The following SPANXN4 variants were observed in gnomAD, a reference collection of about 807,000 sequenced individuals.
The protein encoded by SPANXN4 is SPANX family member N4.
Under a neutral mutation model 6.0 loss-of-function variants are expected in SPANXN4, and 5 were observed. The observed-to-expected ratio is 0.83, with a 90% CI of 0.44 to 1.75. The LOEUF is 1.75. SPANXN4 is among the 40% of genes most tolerant of loss of function. The probability of loss-of-function intolerance (pLI) is 0.02; values close to 1 mark genes in which losing one functional copy is unlikely to be tolerated. For missense variants in SPANXN4, 157 were observed against 108.6 expected, an observed-to-expected ratio of 1.45 and a Z score of -1.98; for synonymous variants, 45 against 38.0, an observed-to-expected ratio of 1.19 and a Z score of -0.68.
intron 1 of SPANXN4, among the ~76,000 whole-genome samples, chrX:143,033,223 C>A (rs1031404611): frequency 9.0e-6 from 1 of 110,614 alleles, no homozygotes; most frequent in African/African-American, 3.3e-5. Context: ...TAGAGGTCAG[C>A]CCAGGACTGG....
At chrX:143,036,712 G>A (rs1451875576), downstream of SPANXN4, among the ~76,000 whole-genome samples, 1 of 111,823 alleles carries the variant, frequency 8.9e-6, no homozygotes, top group African/African-American at 3.2e-5. Context: ...AATCATTCAA[G>A]TTTGCTTTTC....
chrX:143,034,447 T>C, intron 2 of SPANXN4, 136 bp downstream of exon 2: 7 of 1,105,338 alleles, frequency 6.3e-6, no homozygotes, highest in South Asian at 4.7e-5. Flanking sequence ...ACATTGTAAA[T>C]AAAGACTGGG....
At chrX:143,026,295 G>A (rs1012511997) in intron 1 of SPANXN4, among the ~76,000 whole-genome samples, 2 of 111,567 alleles carry the variant, frequency 1.8e-5, no homozygotes, top group African/African-American at 6.5e-5. Context: ...TGGCTGCTCG[G>A]CGGAATATTG....
chrX:143,034,232 G>A (rs1233652273), exon 2 of SPANXN4: 1 of 1,169,318 alleles, frequency 8.6e-7, no homozygotes, highest in East Asian at 3.2e-5. Context: ...TCCACAGGAT[G>A]GTGGGCAGAA....
chrX:143,032,891 G>C (rs922698375), intron 1 of SPANXN4, among the ~76,000 whole-genome samples: 4 of 111,354 alleles, frequency 3.6e-5, no homozygotes, highest in African/African-American at 1.3e-4. Flanking sequence ...AATGGACGTA[G>C]GAGAGCTGGG....
intron 1 of SPANXN4, among the ~76,000 whole-genome samples, chrX:143,028,645 C>T (rs762052084): frequency 1.1e-4 from 12 of 110,222 alleles, no homozygotes; most frequent in Non-Finnish European, 1.9e-4. Flanking sequence ...TGTGCCTTTT[C>T]GGTGGTGGTA....
chrX:143,032,146 G>A (rs1430011955), intron 1 of SPANXN4, among the ~76,000 whole-genome samples: 1 of 111,845 alleles, frequency 8.9e-6, no homozygotes, highest in Non-Finnish European at 1.9e-5. Flanking sequence ...TGTCTTGCCA[G>A]GTAAGGTCGT....
At chrX:143,037,358 T>G (rs1932848855), downstream of SPANXN4, among the ~76,000 whole-genome samples, 1 of 111,803 alleles carries the variant, frequency 8.9e-6, no homozygotes. Flanking sequence ...CATACTTATC[T>G]TCTCCCTTTT....
At chrX:143,031,817 G>A (rs1320676353) in intron 1 of SPANXN4, among the ~76,000 whole-genome samples, 1 of 111,665 alleles carries the variant, frequency 9.0e-6, no homozygotes, top group East Asian at 2.8e-4. Context: ...GGATGTCGGG[G>A]GCTGACTGGG....
intron 2 of SPANXN4, 149 bp downstream of exon 2, chrX:143,034,460 A>T: frequency 9.0e-7 from 1 of 1,114,764 alleles, no homozygotes; most frequent in Non-Finnish European, 1.2e-6. Flanking sequence ...AGACTGGGGG[A>T]GGACTGATTC....
Position 143,034,515 on chromosome X carries a change from A to C in SPANXN4, c.290A>C (p.Glu97Ala), listed in dbSNP as rs774235858. The change falls in exon 3 of 3, where the codon GAA (glutamate) becomes GCA (alanine). Residue 97 changes from glutamate (E) to alanine (A), a missense_variant. Transcript: ENST00000370504. ...TTAAAATTTTATCTCACAGGAGAGG[A>C]AGAAAAGGATTTGGTGTTCCTTGGA... The C allele has an allele frequency of 3.5e-6, 4 of 1,142,958 alleles. No individual in the cohort carries two copies. In the African/African-American group the frequency reaches 7.3e-5, roughly 21 times the overall value. 94.2% of individuals were successfully genotyped at this position (1,142,958 alleles called of 1,213,427 possible). A position where few individuals can be genotyped will look rare whatever the true frequency, so the allele number is the denominator to read the frequency against.
At chrX:143,030,057 TG>T (rs142435885) in intron 1 of SPANXN4, among the ~76,000 whole-genome samples, 29,947 of 103,037 alleles carry the variant, frequency 0.29, 4,448 homozygotes, top group African/African-American at 0.51. Flanking sequence ...TTTTTTAGTT[TG>T]TTTTTTTTTT....
exon 2 of SPANXN4, chrX:143,034,162 T>C (rs1932829640): frequency 8.5e-7 from 1 of 1,179,728 alleles, no homozygotes; most frequent in African/African-American, 1.8e-5. Context: ...ATAACCAGCC[T>C]ACAGAGAGCT....
downstream of SPANXN4, among the ~76,000 whole-genome samples, chrX:143,038,445 T>C (rs963265031): frequency 8.9e-6 from 1 of 112,085 alleles, no homozygotes; most frequent in Non-Finnish European, 1.9e-5. Context: ...AGTTCCTCTC[T>C]GGCCACTTTA....
intron 1 of SPANXN4, among the ~76,000 whole-genome samples, chrX:143,029,097 A>T (rs1318508820): frequency 1.8e-5 from 2 of 111,077 alleles, no homozygotes; most frequent in Non-Finnish European, 3.8e-5. Context: ...ATGGGTAATA[A>T]TGATGAAATT....
chrX:143,027,990 A>G (rs1342024719), intron 1 of SPANXN4, among the ~76,000 whole-genome samples: 1 of 111,498 alleles, frequency 9.0e-6, no homozygotes. Flanking sequence ...AAAGTAGGAG[A>G]TAAAAGATTG....
intron 1 of SPANXN4, among the ~76,000 whole-genome samples, chrX:143,027,620 C>G (rs1037848112): frequency 5.4e-5 from 6 of 111,267 alleles, no homozygotes; most frequent in Non-Finnish European, 1.1e-4. Context: ...ATGAATTGGC[C>G]AAGTAGGTGA....
At chrX:143,030,487 C>T (rs756456455) in intron 1 of SPANXN4, among the ~76,000 whole-genome samples, 49 of 109,587 alleles carry the variant, frequency 4.5e-4, no homozygotes, top group African/African-American at 1.1e-3. Flanking sequence ...GCTAGGTCCT[C>T]GATGAGGGCC....
rs1368970943 is a variant in SPANXN4, at chrX:143,026,532, G to C, written c.78+440G>C. Among the ~76,000 whole-genome samples the C allele has an allele frequency of 8.0e-5, 9 of 111,952 alleles. No individual in the cohort carries two copies. In the South Asian group the frequency reaches 3.0e-3, roughly 37 times the overall value. On this transcript the variant is annotated intron_variant, in intron 1 of 2. Transcript: ENST00000370504. ...ACAAAATAGAAGGGAGCTTACAAGA[G>C]AGTGCAGTTTAGACTGATATTCTTG...
Sources: allele counts gnomAD v4.1 joint callset (sites outside exome capture counted in the v4.1 genomes callset), GRCh38; gene constraint gnomAD v4.1.1; transcripts MANE v1.5; gene names NCBI Gene and HGNC (gene_info 2026-07-23, HGNC 2026-07-21).